FLT4: variants seen among roughly 807,000 people sequenced by gnomAD.
The protein encoded by FLT4 is fms related receptor tyrosine kinase 4.
FLT4 carries 30 observed loss-of-function variants against 163.2 expected under a neutral mutation model. The ratio of observed to expected loss-of-function variants is 0.18; its 90% CI spans 0.14 to 0.25. FLT4 has a LOEUF of 0.25. Among genes scored for constraint, FLT4 ranks in the 10% least tolerant of loss-of-function variants. The probability of loss-of-function intolerance (pLI) is 1.00; values close to 1 mark genes in which losing one functional copy is unlikely to be tolerated. For missense variants in FLT4, 1,510 were observed against 1,863.8 expected (o/e 0.81, Z 3.50); for synonymous variants, 884 against 789.5 (o/e 1.12, Z -2.01).
rs551050956 is a variant in FLT4 at position 180,611,585 on chromosome 5, C to A, written c.3538-106G>T. On this transcript the variant is annotated intron_variant, in intron 26 of 29. Coordinates refer to ENST00000261937, the MANE Select transcript of FLT4 (RefSeq NM_182925.5). ...CCCCGCCCTCAGCCCTCACCCCCGC[C>A]CTCAGCCCTCGCCCCCGCACTCAGC... 1.3e-3 allele frequency: 1,611 copies of A among 1,244,222 alleles called. 14 individuals are homozygous for A. The African/African-American group carries it at 0.016, about 12-fold the overall frequency. The allele number at this position is 1,244,222 out of a possible 1,614,324, so 77.1% of individuals were successfully genotyped here.
intron 2 of FLT4, among the ~76,000 whole-genome samples, chr5:180,631,421 C>A (rs1057185489): frequency 6.6e-6 from 1 of 150,816 alleles, no homozygotes; most frequent in African/African-American, 2.5e-5. Flanking sequence ...TGCAGTGAGC[C>A]GAGATCGCAC....
chr5:180,609,838 G>T, intron 28 of FLT4, 67 bp downstream of exon 28: 2 of 1,593,218 alleles, frequency 1.3e-6, no homozygotes, highest in Non-Finnish European at 1.7e-6. Context: ...AATTCCTGAC[G>T]CTGCCTCCCC....
At chr5:180,621,340 C>A in intron 13 of FLT4, 88 bp from the exon 14 acceptor site, 1 of 1,498,208 alleles carries the variant, frequency 6.7e-7, no homozygotes, top group South Asian at 1.3e-5. Context: ...AGAAAAGGAT[C>A]CCTGGAAGCT....
chr5:180,629,924 C>A lies in FLT4; in HGVS notation c.676+19G>T. The A allele has an allele frequency of 6.2e-7, 1 of 1,612,566 alleles. No homozygotes were observed. The highest frequency in any genetic ancestry group is 1.1e-5 in the South Asian group (1 of 91,062). ...GCAGTGACAGCCCCGTTACTGGGAA[C>A]GGGGCACAGCCCTGTTACCTGTGAT... On this transcript the variant is annotated intron_variant, in intron 5 of 29. Transcript: ENST00000261937.
At position 180,623,041 on chromosome 5, in the gene FLT4, G is replaced by A. The variant is rs1763290816; in HGVS notation, c.1549-202C>T. On this transcript the variant is annotated intron_variant, in intron 11 of 29. Transcript: ENST00000261937. The surrounding 1 kb of genome is among the most constrained non-coding windows in gnomAD (Gnocchi z 5.8). ...GGCCCCTGGGCAGCAGAGAGAGGTA[G>A]CTGCCCAGAAAAGTCAAGGGACAGT... Among the ~76,000 whole-genome samples the A allele has an allele frequency of 6.6e-6, 1 of 152,168 alleles. No homozygotes were observed. The highest frequency in any genetic ancestry group is 2.1e-4 in the South Asian group (1 of 4,830).
chr5:180,619,687 G>A lies in FLT4; in HGVS notation c.2625C>T (p.Thr875=), dbSNP rs749375344. The part of the protein sequence containing the change: ...FGIHKGSSCD[T]VAVKMLKEGA... ...CACCTTTCAGCATTTTCACGGCCAC[G>A]GTGTCACAGCTGCTGCCCTTGTGGA... Residue 875 remains threonine (T), a synonymous_variant, in exon 18 of 30, where the codon ACC becomes ACT. Coordinates refer to ENST00000261937, the MANE Select transcript of FLT4 (RefSeq NM_182925.5). 3.1e-6 allele frequency: 5 copies of A among 1,612,554 alleles called. No homozygotes were observed. The highest frequency in any genetic ancestry group is 2.2e-5 in the South Asian group (2 of 91,088).
intron 1 of FLT4, among the ~76,000 whole-genome samples, chr5:180,642,365 T>C (rs567395715): frequency 2.0e-5 from 3 of 152,152 alleles, no homozygotes; most frequent in African/African-American, 4.8e-5. Flanking sequence ...AGAGGATTCA[T>C]GTGAGCTGAA....
intron 17 of FLT4, 135 bp from the exon 18 acceptor site, chr5:180,619,904 G>T (rs562644202): frequency 2.8e-6 from 2 of 716,182 alleles, no homozygotes; most frequent in South Asian, 3.4e-5. Flanking sequence ...GCCACAGCGG[G>T]AAGACAAGGA....
rs1762274637 is a variant in FLT4 at position 180,612,323 on chromosome 5, G to A, written c.3537+183C>T. ...GGCAGTGGAGCTGTGCAGCGGGTGT[G>A]TACTCAACAGAAAGATGCAAGGGTG... is the stretch of plus-strand genomic sequence containing the variant. On this transcript the variant is annotated intron_variant, in intron 26 of 29. Coordinates refer to ENST00000261937, the MANE Select transcript of FLT4 (RefSeq NM_182925.5). 4.8e-6 allele frequency: 3 copies of A among 628,524 alleles called. No individual in the cohort carries two copies. The East Asian group carries it at 8.2e-5, about 17-fold the overall frequency. The allele number at this position is 628,524 out of a possible 1,614,324, so 38.9% of individuals were successfully genotyped here.
At chr5:180,640,119 C>T (rs1764993238) in intron 1 of FLT4, among the ~76,000 whole-genome samples, 1 of 152,180 alleles carries the variant, frequency 6.6e-6, no homozygotes, top group Admixed American at 6.5e-5. Context: ...GGGTCCTGCA[C>T]CTCCCCTGGG....
chr5:180,640,739 G>A (rs1765041301), intron 1 of FLT4, among the ~76,000 whole-genome samples: 1 of 152,054 alleles, frequency 6.6e-6, no homozygotes, highest in Non-Finnish European at 1.5e-5. Flanking sequence ...CCCCTCCCTC[G>A]GCTCCACACC....
intron 27 of FLT4, 64 bp from the exon 28 acceptor site, chr5:180,610,089 C>T: frequency 6.2e-7 from 1 of 1,609,998 alleles, no homozygotes; most frequent in Non-Finnish European, 8.5e-7. Context: ...AACTTCTCTC[C>T]ACTGTCCCTG....
chr5:180,625,904 G>C lies in FLT4; in HGVS notation c.1386C>G (p.Pro462=), dbSNP rs1445900620. 5 of 1,612,334 alleles carry C rather than the reference G, an allele frequency of 3.1e-6. No individual in the cohort carries two copies. In the South Asian group the frequency reaches 5.5e-5, roughly 18 times the overall value. The change falls in exon 10 of 30, where the codon CCC becomes CCG. Residue 462 remains proline (P), a synonymous_variant. Transcript: ENST00000261937. The stretch of plus-strand genomic sequence containing the variant: ...GGGCAAACATCTTGCAGGGTGTCCA[G>C]GGCCGCCAGTGCCACTGGATGCTGA... ...LPLSIQWHWR[P]WTPCKMFAQR...
chr5:180,610,443 C>T (rs1379724895), intron 27 of FLT4, among the ~76,000 whole-genome samples: 1 of 152,258 alleles, frequency 6.6e-6, no homozygotes, highest in South Asian at 2.1e-4. Context: ...CAGAATCCAG[C>T]TAACTGTTGT....
In FLT4 at chr5:180,602,347, G is replaced by C. The variant is rs955822620; in HGVS notation, c.*845C>G. The C allele has an allele frequency of 1.3e-5, 4 of 312,564 alleles. No homozygotes were observed. The Admixed American group carries it at 2.0e-4, about 16-fold the overall frequency. 19.4% of individuals were successfully genotyped at this position (312,564 alleles called of 1,614,324 possible). On this transcript the variant is annotated 3_prime_UTR_variant, in exon 30 of 30. Transcript: ENST00000261937. Reference sequence around the variant, plus strand: ...CTCGGAGTCTGGGCCAGGTGGGAGAGCAAGGGCCTTCTCCAGAGGCACTGA... The same window carrying C: ...CTCGGAGTCTGGGCCAGGTGGGAGACCAAGGGCCTTCTCCAGAGGCACTGA...
Position 180,618,779 on chromosome 5 carries a change from C to T in FLT4, c.2992G>A (p.Asp998Asn). ...GAGGCCAGGCTCTCACCTTCTTGGTCTGGAGAAGCCCGCCTCGCTCCGCCC... is the reference window on the plus strand; with the variant it reads ...GAGGCCAGGCTCTCACCTTCTTGGTTTGGAGAAGCCCGCCTCGCTCCGCCC... ...TEGGARRASP[D>N]QEAEDLWLSP... Residue 998 changes from aspartate (D) to asparagine (N), a missense_variant, in exon 21 of 30, where the codon GAC becomes AAC. Transcript: ENST00000261937. 6.3e-7 allele frequency: 1 copy of T among 1,589,732 alleles called. No homozygotes were observed. Among genetic ancestry groups the T allele is most frequent in the Non-Finnish European group, 8.6e-7 (1 of 1,168,720 alleles).
intron 28 of FLT4, chr5:180,609,609 C>T (rs1581610620): frequency 4.7e-6 from 2 of 426,558 alleles, no homozygotes; most frequent in Admixed American, 7.1e-5. Flanking sequence ...GCTCACTGAC[C>T]AGGCCCGGGA....
Position 180,620,752 on chromosome 5 carries a change from G to T in FLT4, c.2300-37C>A. On this transcript the variant is annotated intron_variant, in intron 15 of 29. Coordinates refer to ENST00000261937, the MANE Select transcript of FLT4 (RefSeq NM_182925.5). The surrounding 1 kb of genome is among the most constrained non-coding windows in gnomAD (Gnocchi z 4.4). ...GAAAGGGGCCGGCGTGTGTGTGTGT[G>T]TGTGTAAGAGCGTGCACCTGCAGGC... is the stretch of plus-strand genomic sequence containing the variant. 2 of 1,596,654 alleles carry T rather than the reference G, an allele frequency of 1.3e-6. No individual in the cohort carries two copies. Among genetic ancestry groups the T allele is most frequent in the South Asian group, 2.2e-5 (2 of 90,608 alleles).
Position 180,621,829 on chromosome 5 carries a change from C to T in FLT4, c.1733G>A (p.Cys578Tyr), listed in dbSNP as rs2127817626. 1 of 1,613,286 alleles carries T rather than the reference C, an allele frequency of 6.2e-7. No individual in the cohort carries two copies. Among genetic ancestry groups the T allele is most frequent in the Non-Finnish European group, 8.5e-7 (1 of 1,179,940 alleles). ...CTCGTACTTGTAGCTGTCGGCTTGG[C>T]AGCTCAGGAGCACCGGCTGGCCCTC... Reference protein sequence around the residue: ...LLEGQPVLLSCQADSYKYEHL... With the variant: ...LLEGQPVLLSYQADSYKYEHL... The change falls in exon 13 of 30, where the codon TGC becomes TAC. Residue 578 changes from cysteine (C) to tyrosine (Y), a missense_variant. By Grantham distance (194) the Cys-to-Tyr change is radical. Coordinates refer to ENST00000261937, the MANE Select transcript of FLT4 (RefSeq NM_182925.5).
Sources: gnomAD v4.1 joint callset for allele counts (sites outside exome capture counted in the v4.1 genomes callset) on GRCh38, gnomAD v4.1.1 for gene constraint, Gnocchi (gnomAD v3.1) non-coding constraint, MANE v1.5 for transcripts, NCBI Gene and HGNC (gene_info 2026-07-23, HGNC 2026-07-21) for gene names.